Variants in ADARB2 observed in about 807,000 individuals in gnomAD.
ADARB2 encodes inactive double-stranded RNA-specific editase B2.
Under a neutral mutation model 62.2 loss-of-function variants are expected in ADARB2, and 25 were observed. That is an observed-to-expected ratio of 0.40 (90% CI 0.29 to 0.56). The LOEUF (loss-of-function observed/expected upper bound fraction) is 0.56. Among genes scored for constraint, ADARB2 ranks in the 20% least tolerant of loss-of-function variants. ADARB2 has a pLI of 0.43. For synonymous variants in ADARB2, 572 were observed against 500.8 expected, an observed-to-expected ratio of 1.14 and a Z score of -1.90; for missense variants, 1,071 against 1,077.4, an observed-to-expected ratio of 0.99 and a Z score of 0.08.
intron 1 of ADARB2, among the ~76,000 whole-genome samples, chr10:1,472,755 C>G (rs2676198): frequency 0.97 from 148,007 of 152,212 alleles, 72,078 homozygotes; most frequent in East Asian, 1. Flanking sequence ...ATGGGAGGGC[C>G]CTGCCTGGGG....
At chr10:1,543,025 C>A (rs1005029800) in intron 1 of ADARB2, among the ~76,000 whole-genome samples, 1 of 152,264 alleles carries the variant, frequency 6.6e-6, no homozygotes, top group African/African-American at 2.4e-5. Context: ...CCACTTGCAG[C>A]TCCGCGCTGG....
At chr10:1,407,230 G>C (rs1484078117) in intron 1 of ADARB2, among the ~76,000 whole-genome samples, 2 of 152,214 alleles carry the variant, frequency 1.3e-5, no homozygotes, top group African/African-American at 4.8e-5. Context: ...CACAGGAACA[G>C]CCGGGCAGCA....
At chr10:1,573,377 C>T (rs965659338) in intron 1 of ADARB2, among the ~76,000 whole-genome samples, 2 of 152,184 alleles carry the variant, frequency 1.3e-5, no homozygotes, top group Non-Finnish European at 2.9e-5. Context: ...AAGGGCCTTC[C>T]CCCATTTCTC....
Position 1,363,629 on chromosome 10 carries a change from G to C in ADARB2, c.476C>G (p.Ala159Gly). The change falls in exon 3 of 10, where the codon GCG (alanine) becomes GGG (glycine). Residue 159 changes from alanine to glycine, a missense_variant. By Grantham distance (60) the Ala-to-Gly change is moderately conservative (BLOSUM62 0). Transcript: ENST00000381312. ...GPVHAPVFAVAVEVNGLTFEG... is the reference protein window; with the variant it reads ...GPVHAPVFAVGVEVNGLTFEG... ...GAACGTGAGCCCGTTCACCTCCACC[G>C]CTACCGCGAAGACCGGGGCATGCAC... 1 of 1,604,462 alleles carries C rather than the reference G, an allele frequency of 6.2e-7. No homozygotes were observed. The highest frequency in any genetic ancestry group is 8.5e-7 in the Non-Finnish European group (1 of 1,175,626).
At chr10:1,284,137 C>T (rs529760750) in intron 3 of ADARB2, among the ~76,000 whole-genome samples, 7 of 152,222 alleles carry the variant, frequency 4.6e-5, no homozygotes, top group East Asian at 1.9e-4. Flanking sequence ...GGGTCAGACA[C>T]GATTATACCT....
At chr10:1,357,732 A>T (rs1832209867) in intron 3 of ADARB2, among the ~76,000 whole-genome samples, 1 of 152,170 alleles carries the variant, frequency 6.6e-6, no homozygotes, top group African/African-American at 2.4e-5. Flanking sequence ...TAAATAATTG[A>T]ACCTGTAATT....
chr10:1,420,747 G>A (rs766247132), intron 1 of ADARB2, among the ~76,000 whole-genome samples: 3 of 152,146 alleles, frequency 2.0e-5, no homozygotes, highest in Admixed American at 1.3e-4. Context: ...GGGCACAGAA[G>A]CAGGAGAAGA....
chr10:1,551,954 C>T (rs772246702), intron 1 of ADARB2, among the ~76,000 whole-genome samples: 10 of 152,198 alleles, frequency 6.6e-5, no homozygotes, highest in Non-Finnish European at 1.5e-4. Context: ...GGAGGGGCAG[C>T]GTGGCCACCC....
intron 1 of ADARB2, among the ~76,000 whole-genome samples, chr10:1,667,722 A>G (rs1172645382): frequency 1.3e-5 from 2 of 152,216 alleles, no homozygotes; most frequent in Non-Finnish European, 1.5e-5. Flanking sequence ...ATGCTGCTCA[A>G]TTGTCCTAAA....
intron 1 of ADARB2, among the ~76,000 whole-genome samples, chr10:1,390,910 A>C (rs1381166873): frequency 6.6e-6 from 1 of 152,218 alleles, no homozygotes; most frequent in Non-Finnish European, 1.5e-5. Flanking sequence ...TTTCCAAGAC[A>C]ACGTGCCTTA....
rs1831236599 is a variant in ADARB2, at chr10:1,269,292, T to C, written c.1192+1663A>G. Among the ~76,000 whole-genome samples, 9 of 152,232 alleles carry C rather than the reference T, an allele frequency of 5.9e-5. No individual in the cohort carries two copies. The South Asian group carries it at 1.7e-3, about 28-fold the overall frequency. On this transcript the variant is annotated intron_variant, in intron 4 of 9. Transcript: ENST00000381312. ...GTAATTCTTTTATAGTTCTTTTATA[T>C]TGGATTTAAATTGTTCTGTATGAAC...
At chr10:1,392,021 C>T (rs1198011367) in intron 1 of ADARB2, among the ~76,000 whole-genome samples, 1 of 152,136 alleles carries the variant, frequency 6.6e-6, no homozygotes, top group African/African-American at 2.4e-5. Flanking sequence ...CTGCCTCACC[C>T]TCCCAAAGTG....
intron 3 of ADARB2, among the ~76,000 whole-genome samples, chr10:1,282,726 C>G (rs1831380973): frequency 6.6e-6 from 1 of 152,134 alleles, no homozygotes; most frequent in South Asian, 2.1e-4. Flanking sequence ...AAGCTTGTGC[C>G]TGATTAATTT....
At chr10:1,553,520 G>A (rs1224117959) in intron 1 of ADARB2, among the ~76,000 whole-genome samples, 1 of 152,192 alleles carries the variant, frequency 6.6e-6, no homozygotes, top group African/African-American at 2.4e-5. Context: ...GGTCTCAAAG[G>A]AAGGATGCAG....
chr10:1,477,300 A>G lies in ADARB2; in HGVS notation c.101-98140T>C, dbSNP rs1211432972. Among the ~76,000 whole-genome samples the G allele has an allele frequency of 6.6e-6, 1 of 152,176 alleles. No individual in the cohort carries two copies. The highest frequency in any genetic ancestry group is 1.5e-5 in the Non-Finnish European group (1 of 68,042). On this transcript the variant is annotated intron_variant, in intron 1 of 9. Coordinates refer to ENST00000381312, the MANE Select transcript of ADARB2 (RefSeq NM_018702.4). This position sits in a 1 kb window ranked among gnomAD's most constrained non-coding sequence, Gnocchi z 4.5. ...GGTCGGGGAGAACAGTTGTTCTGAGAGACGGCCAATCACAGGCAACTGCTG... is the reference window on the plus strand; with the variant it reads ...GGTCGGGGAGAACAGTTGTTCTGAGGGACGGCCAATCACAGGCAACTGCTG...
chr10:1,407,042 C>A (rs1832713157), intron 1 of ADARB2, among the ~76,000 whole-genome samples: 1 of 152,242 alleles, frequency 6.6e-6, no homozygotes, highest in Non-Finnish European at 1.5e-5. Context: ...CTGCATAAAG[C>A]AGGCATCCAT....
At chr10:1,521,698 G>C (rs988019311) in intron 1 of ADARB2, among the ~76,000 whole-genome samples, 1 of 152,134 alleles carries the variant, frequency 6.6e-6, no homozygotes, top group Non-Finnish European at 1.5e-5. Context: ...GTTGATTCCA[G>C]GACTTTGGAC....
At chr10:1,547,453 A>G (rs1433749302) in intron 1 of ADARB2, among the ~76,000 whole-genome samples, 1 of 40,330 alleles carries the variant, frequency 2.5e-5, no homozygotes, top group Non-Finnish European at 4.5e-5. Flanking sequence ...AAGTCTATGC[A>G]CTGTGTTGGG....
At chr10:1,625,586 C>T (rs1404046550) in intron 1 of ADARB2, among the ~76,000 whole-genome samples, 2 of 152,112 alleles carry the variant, frequency 1.3e-5, no homozygotes, top group Non-Finnish European at 2.9e-5. Flanking sequence ...ACAGCTTTCT[C>T]GGGAGTCCCC....
Sources: gnomAD v4.1 joint callset for allele counts (sites outside exome capture counted in the v4.1 genomes callset) on GRCh38, gnomAD v4.1.1 for gene constraint, Gnocchi (gnomAD v3.1) non-coding constraint, MANE v1.5 for transcripts, NCBI Gene and HGNC (gene_info 2026-07-23, HGNC 2026-07-21) for gene names.